Variants in TRPV1 observed in about 807,000 individuals in gnomAD.
The protein encoded by TRPV1 is OTRPC1.
A neutral mutation model predicts 82.3 loss-of-function variants in TRPV1; 82 were observed. That is an observed-to-expected ratio of 1.00 (90% CI 0.83 to 1.20). TRPV1 has a LOEUF of 1.20. TRPV1 is among the 50% of genes most tolerant of loss of function. The pLI, the probability that TRPV1 is intolerant of heterozygous loss-of-function variation, is 0.00. For missense variants in TRPV1, 1,067 were observed against 1,096.8 expected (o/e 0.97, Z 0.38); for synonymous variants, 515 against 467.7 (o/e 1.10, Z -1.30).
At chr17:3,577,397 A>AG (rs538465503) in intron 12 of TRPV1, among the ~76,000 whole-genome samples, 82 of 152,130 alleles carry the variant, frequency 5.4e-4, no homozygotes, top group Admixed American at 2.0e-3. Flanking sequence ...CCTGGTGTGC[A>AG]GGGGGGGTCA....
intron 10 of TRPV1, among the ~76,000 whole-genome samples, chr17:3,581,543 GA>G (rs968825479): frequency 3.8e-4 from 56 of 148,098 alleles, no homozygotes; most frequent in African/African-American, 1.3e-3. Context: ...GTGAGTGACT[GA>G]AAAAAAAAAC....
At chr17:3,580,344 C>G in intron 11 of TRPV1, 113 bp downstream of exon 11, 1 of 1,039,450 alleles carries the variant, frequency 9.6e-7, no homozygotes, top group Non-Finnish European at 1.5e-6. Context: ...ATTCCCTCAG[C>G]ATGTTCACTG....
Position 3,579,942 on chromosome 17 carries a change from C to CAACT in TRPV1, c.1547+514_1547+515insAGTT, listed in dbSNP as rs1332897491. On this transcript the variant is annotated intron_variant, in intron 11 of 16. Coordinates refer to ENST00000572705, the MANE Select transcript of TRPV1 (RefSeq NM_080704.4). ...GACTGGGGGATGGGGAAGCTCCAGG[C>CAACT]GACTGGGGGATGGGGAAGCTCCAGG... is the stretch of plus-strand genomic sequence containing the variant. 2.8e-5 allele frequency among the ~76,000 whole-genome samples: 3 copies of CAACT among 106,232 alleles called. No individual in the cohort carries two copies. The East Asian group carries it at 1.3e-3, about 47-fold the overall frequency. The allele number at this position is 106,232 out of a possible 152,430, so 69.7% of individuals were successfully genotyped here.
chr17:3,595,014 C>T (rs1342727608), intron 2 of TRPV1, among the ~76,000 whole-genome samples: 1 of 152,104 alleles, frequency 6.6e-6, no homozygotes, highest in African/African-American at 2.4e-5. Context: ...AACATGGTTG[C>T]ATGGATGATG....
chr17:3,579,941 G>A (rs1232921881), intron 11 of TRPV1, among the ~76,000 whole-genome samples: 1 of 107,556 alleles, frequency 9.3e-6, no homozygotes, highest in African/African-American at 2.5e-5. Flanking sequence ...GAAGCTCCAG[G>A]CGACTGGGGG....
At chr17:3,602,739 T>C (rs1306802998) in intron 2 of TRPV1, among the ~76,000 whole-genome samples, 2 of 152,186 alleles carry the variant, frequency 1.3e-5, no homozygotes, top group Non-Finnish European at 2.9e-5. Flanking sequence ...GCACATTGAC[T>C]TAAGCTGAGT....
At chr17:3,590,841 C>T in intron 5 of TRPV1, 123 bp downstream of exon 5, 4 of 1,328,416 alleles carry the variant, frequency 3.0e-6, no homozygotes, top group Non-Finnish European at 4.0e-6. Context: ...TAGGAGCCAC[C>T]AACGCAGTGG....
chr17:3,598,171 A>C (rs2075235289), intron 2 of TRPV1, among the ~76,000 whole-genome samples: 1 of 152,208 alleles, frequency 6.6e-6, no homozygotes, highest in Non-Finnish European at 1.5e-5. Context: ...CCCTGCAAAA[A>C]CCATCCTAGC....
Position 3,591,100 on chromosome 17 carries a change from C to A in TRPV1, c.468G>T (p.Lys156Asn). ...TGAGCATGGCTTTCAGCAGACAGGTCTTCCCTGTCTCAGGGTCTGAAAGAC... is the reference window on the plus strand; with the variant it reads ...TGAGCATGGCTTTCAGCAGACAGGTATTCCCTGTCTCAGGGTCTGAAAGAC... ...DNEFKDPETG[K>N]TCLLKAMLNL... The change falls in exon 5 of 17, where the codon AAG (lysine) becomes AAT (asparagine). Residue 156 changes from lysine (K) to asparagine (N), a missense_variant. Coordinates refer to ENST00000572705, the MANE Select transcript of TRPV1 (RefSeq NM_080704.4). 6.2e-7 allele frequency: 1 copy of A among 1,612,686 alleles called. No homozygotes were observed. Among genetic ancestry groups the A allele is most frequent in the Non-Finnish European group, 8.5e-7 (1 of 1,179,416 alleles).
chr17:3,567,550 C>T lies in TRPV1; in HGVS notation c.2348-563G>A, dbSNP rs571354394. On this transcript the variant is annotated intron_variant, in intron 16 of 16. Coordinates refer to ENST00000572705, the MANE Select transcript of TRPV1 (RefSeq NM_080704.4). ...ATTCTCTTCCTCCATCCCACCCCGA[C>T]TTGCTTGCAGCCTCAGGAGAGCCCA... Among the ~76,000 whole-genome samples, 37 of 152,196 alleles carry T rather than the reference C, an allele frequency of 2.4e-4. No homozygotes were observed. In the South Asian group the frequency reaches 7.2e-3, roughly 30 times the overall value.
chr17:3,580,577 A>G (rs1465431879), intron 10 of TRPV1, 50 bp from the exon 11 acceptor site: 2 of 1,586,264 alleles, frequency 1.3e-6, no homozygotes, highest in South Asian at 1.1e-5. Context: ...CGATGTGGCT[A>G]AATGGTGAGC....
At chr17:3,599,763 G>A (rs1229447568) in intron 2 of TRPV1, among the ~76,000 whole-genome samples, 1 of 151,872 alleles carries the variant, frequency 6.6e-6, no homozygotes, top group Non-Finnish European at 1.5e-5. Context: ...CGAGTAGTTG[G>A]GATTACGGGT....
rs1212042499 is a variant in TRPV1 at position 3,580,478 on chromosome 17, T to C, written c.1526A>G (p.Asp509Gly). ...TTACAAAAGCATCTCACTGTAGCTGTCCACAAACAGGGTCTTCATCGACGG... is the reference window on the plus strand; with the variant it reads ...TTACAAAAGCATCTCACTGTAGCTGCCCACAAACAGGGTCTTCATCGACGG... The part of the protein sequence containing the change: ...RRPSMKTLFV[D>G]SYSEMLFFLQ... Residue 509 changes from aspartate (D) to glycine (G), a missense_variant, in exon 11 of 17, where the codon GAC (aspartate) becomes GGC (glycine). Transcript: ENST00000572705. The C allele has an allele frequency of 2.5e-6, 4 of 1,613,892 alleles. No homozygotes were observed.
chr17:3,586,032 C>T, intron 8 of TRPV1, 106 bp from the exon 9 acceptor site: 3 of 1,425,154 alleles, frequency 2.1e-6, no homozygotes, highest in Non-Finnish European at 2.9e-6. Flanking sequence ...GCACAGTCCT[C>T]AGCCCACGGA....
chr17:3,576,061 C>CAAAA (rs35246256), intron 13 of TRPV1, among the ~76,000 whole-genome samples: 1 of 144,542 alleles, frequency 6.9e-6, no homozygotes, highest in Non-Finnish European at 1.5e-5. Context: ...ACTAAAAATA[C>CAAAA]AAAAAAAAAA....
At chr17:3,589,707 C>T (rs1363366548) in intron 7 of TRPV1, 100 bp downstream of exon 7, 2 of 1,390,416 alleles carry the variant, frequency 1.4e-6, no homozygotes, top group Non-Finnish European at 1.9e-6. Flanking sequence ...GAGTCCCGCA[C>T]ACACAGATAG....
intron 9 of TRPV1, chr17:3,585,543 A>C: frequency 1.9e-6 from 1 of 540,018 alleles, no homozygotes. Context: ...GTTAAAGGAG[A>C]GGAACTGAGA....
At chr17:3,601,646 T>C (rs952879903) in intron 2 of TRPV1, 1 of 151,768 alleles carries the variant, frequency 6.6e-6, no homozygotes, top group African/African-American at 2.4e-5. Flanking sequence ...TGTCACCCAA[T>C]GCAAGGGACT....
chr17:3,596,217 G>T (rs758325391), intron 2 of TRPV1, among the ~76,000 whole-genome samples: 48 of 152,228 alleles, frequency 3.2e-4, no homozygotes, highest in Non-Finnish European at 5.9e-4. Context: ...CCTACCCTCT[G>T]GGGGAAGGAT....
Sources: allele counts gnomAD v4.1 joint callset (sites outside exome capture counted in the v4.1 genomes callset), GRCh38; gene constraint gnomAD v4.1.1; transcripts MANE v1.5; gene names NCBI Gene and HGNC (gene_info 2026-07-23, HGNC 2026-07-21).